The following DIP2B variants were observed in gnomAD, a reference collection of about 807,000 sequenced individuals.
The protein encoded by DIP2B is DIP2 acetate--CoA ligase B (putative).
DIP2B carries 76 observed loss-of-function variants against 198.0 expected under a neutral mutation model. That is an observed-to-expected ratio of 0.38 (90% CI 0.32 to 0.46). The LOEUF (loss-of-function observed/expected upper bound fraction) is 0.46, where lower values mean the gene tolerates loss of function less well. DIP2B is among the 20% of genes least tolerant of loss of function. DIP2B has a pLI of 0.99. For synonymous variants in DIP2B, 701 were observed against 739.1 expected (o/e 0.95, Z 0.84); for missense variants, 1,559 against 1,978.4 (o/e 0.79, Z 4.02).
intron 1 of DIP2B, among the ~76,000 whole-genome samples, chr12:50,528,581 G>A (rs1958188573): frequency 6.6e-6 from 1 of 152,096 alleles, no homozygotes. Context: ...TATCTAAACT[G>A]GGCATATGGA....
At chr12:50,605,660 G>A (rs1485842975) in intron 1 of DIP2B, among the ~76,000 whole-genome samples, 1 of 152,052 alleles carries the variant, frequency 6.6e-6, no homozygotes, top group Non-Finnish European at 1.5e-5. Flanking sequence ...CTATGCATTT[G>A]CCTATTTTGG....
intron 21 of DIP2B, 113 bp from the exon 22 acceptor site, chr12:50,708,335 T>C: frequency 1.2e-6 from 1 of 801,424 alleles, no homozygotes. Context: ...TTTTCTAAGC[T>C]ACTCGTTTTG....
chr12:50,624,408 C>CT (rs1937891865), intron 1 of DIP2B, among the ~76,000 whole-genome samples: 1 of 152,210 alleles, frequency 6.6e-6, no homozygotes, highest in Non-Finnish European at 1.5e-5. Flanking sequence ...TCTCGGCTCA[C>CT]TGCAACCATC....
chr12:50,519,981 C>T (rs1218794597), intron 1 of DIP2B, among the ~76,000 whole-genome samples: 1 of 147,202 alleles, frequency 6.8e-6, no homozygotes, highest in Non-Finnish European at 1.5e-5. Context: ...GCTTTTAATT[C>T]AGTTCAGATA....
chr12:50,727,871 C>G, intron 29 of DIP2B, 59 bp downstream of exon 29: 1 of 1,457,718 alleles, frequency 6.9e-7, no homozygotes, highest in Non-Finnish European at 9.6e-7. Context: ...ACCACTGCCC[C>G]AGAAACTATA....
intron 1 of DIP2B, among the ~76,000 whole-genome samples, chr12:50,583,964 T>G (rs1958747406): frequency 6.6e-6 from 1 of 152,214 alleles, no homozygotes; most frequent in African/African-American, 2.4e-5. Flanking sequence ...AGGTCCCCAG[T>G]GAGGGCATCC....
Position 50,677,248 on chromosome 12 carries a change from G to GT in DIP2B, c.917-1430dup, listed in dbSNP as rs1836673016. On this transcript the variant is annotated intron_variant, in intron 7 of 37. Transcript: ENST00000301180. Reference sequence around the variant, plus strand: ...CATGTTGTCCTAGCCTTAGCGCTGAGTCTGTGTGTGTTTATGTCCCCTGGT... The same window carrying GT: ...CATGTTGTCCTAGCCTTAGCGCTGAGTTCTGTGTGTGTTTATGTCCCCTGGT... 2.0e-5 allele frequency among the ~76,000 whole-genome samples: 3 copies of GT among 152,122 alleles called. No homozygotes were observed. The South Asian group carries it at 6.2e-4, about 31-fold the overall frequency.
chr12:50,698,227 T>A (rs1393083247), intron 17 of DIP2B, 101 bp from the exon 18 acceptor site: 3 of 1,418,870 alleles, frequency 2.1e-6, no homozygotes, highest in Non-Finnish European at 2.8e-6. Flanking sequence ...AATGGAGAAT[T>A]TTTTTGGTAT....
At chr12:50,693,138 T>C in intron 14 of DIP2B, 125 bp downstream of exon 14, 1 of 908,786 alleles carries the variant, frequency 1.1e-6, no homozygotes, top group Non-Finnish European at 1.7e-6. Flanking sequence ...CAGTAATATT[T>C]TCCAGAGGCT....
intron 1 of DIP2B, among the ~76,000 whole-genome samples, chr12:50,573,201 C>G (rs558033430): frequency 2.6e-4 from 40 of 152,326 alleles, no homozygotes; most frequent in African/African-American, 7.9e-4. Context: ...AGCCACGTAT[C>G]CAGAAGCCAG....
Position 50,686,829 on chromosome 12 carries a change from C to A in DIP2B, c.1551+147C>A, listed in dbSNP as rs1217836114. 14 of 662,856 alleles carry A rather than the reference C, an allele frequency of 2.1e-5. No homozygotes were observed. In the East Asian group the frequency reaches 3.9e-4, roughly 19 times the overall value. 41.1% of individuals were successfully genotyped at this position (662,856 alleles called of 1,614,324 possible). On this transcript the variant is annotated intron_variant, in intron 12 of 37. Coordinates refer to ENST00000301180, the MANE Select transcript of DIP2B (RefSeq NM_173602.3). ...TTTCCATCTTTTGGCTTGTAAAATGCCTTGTAGTGGATCTTCTATCCTAAT... is the reference window on the plus strand; with the variant it reads ...TTTCCATCTTTTGGCTTGTAAAATGACTTGTAGTGGATCTTCTATCCTAAT...
chr12:50,683,183 G>A lies in DIP2B; in HGVS notation c.1252G>A (p.Ala418Thr). The A allele has an allele frequency of 6.2e-7, 1 of 1,612,836 alleles. No individual in the cohort carries two copies. The highest frequency in any genetic ancestry group is 1.3e-5 in the African/African-American group (1 of 74,962). ...CAATGATCCAGTCATGTTTATGGTG[G>A]CTTTCTATGGATGCCTCCTGGCAGA... Reference protein sequence around the residue: ...PNNDPVMFMVAFYGCLLAEVI... With the variant: ...PNNDPVMFMVTFYGCLLAEVI... The change falls in exon 10 of 38, where the codon GCT becomes ACT. Residue 418 changes from alanine to threonine, a missense_variant. Ala to Thr is a moderately conservative substitution (Grantham distance 58). Coordinates refer to ENST00000301180, the MANE Select transcript of DIP2B (RefSeq NM_173602.3).
chr12:50,556,678 G>T (rs1958474594), intron 1 of DIP2B, among the ~76,000 whole-genome samples: 1 of 151,880 alleles, frequency 6.6e-6, no homozygotes, highest in South Asian at 2.1e-4. Flanking sequence ...CAGCAGCTGG[G>T]ACTACAGGCG....
intron 7 of DIP2B, among the ~76,000 whole-genome samples, chr12:50,676,037 A>C (rs1262718349): frequency 6.6e-6 from 1 of 152,250 alleles, no homozygotes; most frequent in Admixed American, 6.5e-5. Flanking sequence ...GAAGGGAAGA[A>C]ATCAGTTCCT....
intron 1 of DIP2B, among the ~76,000 whole-genome samples, chr12:50,608,484 C>T (rs1238130447): frequency 6.6e-6 from 1 of 151,554 alleles, no homozygotes; most frequent in African/African-American, 2.4e-5. Context: ...TAGCTGGGTC[C>T]ACGTGGTGGT....
At chr12:50,569,000 C>G (rs532195006) in intron 1 of DIP2B, among the ~76,000 whole-genome samples, 37 of 151,730 alleles carry the variant, frequency 2.4e-4, no homozygotes, top group African/African-American at 8.5e-4. Context: ...CTTCCCTCCC[C>G]TCTCAACTAA....
chr12:50,638,963 T>C (rs907435223), intron 2 of DIP2B, among the ~76,000 whole-genome samples: 10 of 152,160 alleles, frequency 6.6e-5, no homozygotes, highest in African/African-American at 2.4e-4. Context: ...CTGTGAGCAT[T>C]AGACAGGAGC....
chr12:50,727,959 G>C lies in DIP2B; in HGVS notation c.3510+147G>C, dbSNP rs576726024. 32 of 631,990 alleles carry C rather than the reference G, an allele frequency of 5.1e-5. No homozygotes were observed. The African/African-American group carries it at 5.9e-4, about 12-fold the overall frequency. The allele number at this position is 631,990 out of a possible 1,614,324, so 39.1% of individuals were successfully genotyped here. ...AAGTCGCTGCTCTATTTAAATAAAG[G>C]CATTGGCTCCTCTGGAATGAGTTAT... On this transcript the variant is annotated intron_variant, in intron 29 of 37. Coordinates refer to ENST00000301180, the MANE Select transcript of DIP2B (RefSeq NM_173602.3).
intron 1 of DIP2B, among the ~76,000 whole-genome samples, chr12:50,528,424 G>A (rs2139360815): frequency 6.7e-6 from 1 of 150,282 alleles, no homozygotes; most frequent in Non-Finnish European, 1.5e-5. Context: ...AACATAATGA[G>A]ACCTGCTTTC....
Sources: allele counts gnomAD v4.1 joint callset (sites outside exome capture counted in the v4.1 genomes callset), GRCh38; gene constraint gnomAD v4.1.1; transcripts MANE v1.5; gene names NCBI Gene and HGNC (gene_info 2026-07-23, HGNC 2026-07-21).